Variants in CHST3 observed in about 807,000 individuals in gnomAD.
CHST3 encodes the protein carbohydrate sulfotransferase 3, also known as C6ST-1.
A neutral mutation model predicts 35.4 loss-of-function variants in CHST3; 20 were observed. That is an observed-to-expected ratio of 0.57 (90% CI 0.40 to 0.82). The LOEUF (loss-of-function observed/expected upper bound fraction) is 0.82. CHST3 is among the 40% of genes least tolerant of loss of function. The pLI is 0.00. For missense variants in CHST3, 693 were observed against 670.1 expected (o/e 1.03, Z -0.38); for synonymous variants, 334 against 295.9 (o/e 1.13, Z -1.32).
chr10:71,992,278 G>C (rs1839903687), intron 1 of CHST3, among the ~76,000 whole-genome samples: 1 of 151,988 alleles, frequency 6.6e-6, no homozygotes, highest in Non-Finnish European at 1.5e-5. Flanking sequence ...TGATCACCTT[G>C]GCAATGCCCC....
At chr10:71,994,233 C>T (rs1432491684) in intron 1 of CHST3, among the ~76,000 whole-genome samples, 3 of 151,808 alleles carry the variant, frequency 2.0e-5, no homozygotes, top group Non-Finnish European at 4.4e-5. Context: ...CTACTGCATT[C>T]CAGCCTGGGT....
intron 1 of CHST3, among the ~76,000 whole-genome samples, chr10:71,988,996 C>G (rs1839874021): frequency 6.6e-6 from 1 of 152,126 alleles, no homozygotes; most frequent in South Asian, 2.1e-4. Context: ...AACCCCATCT[C>G]TACAAAAATG....
rs4148940 is a variant in CHST3, at chr10:72,006,237, A to G, written c.140+255A>G. Among the ~76,000 whole-genome samples the G allele has an allele frequency of 0.44, 67,481 of 152,088 alleles. 15,310 individuals are homozygous for G. Among genetic ancestry groups the G allele is most frequent in the Non-Finnish European group, 0.48 (32,914 of 67,984 alleles). On this transcript the variant is annotated intron_variant, in intron 2 of 2. Coordinates refer to ENST00000373115, the MANE Select transcript of CHST3 (RefSeq NM_004273.5). ...GCCCTCTACAGCTGTGAAAGGTTAG[A>G]CAAGATACTTAACATTTCTGAGTCT...
Position 71,994,300 on chromosome 10 carries a change from G to T in CHST3, c.-107-11436G>T, listed in dbSNP as rs190261523. Among the ~76,000 whole-genome samples the T allele has an allele frequency of 1.9e-3, 288 of 151,790 alleles. 1 individual carries two copies. The highest frequency in any genetic ancestry group is 6.4e-3 in the African/African-American group (267 of 41,412). On this transcript the variant is annotated intron_variant, in intron 1 of 2. Transcript: ENST00000373115. ...AAAAAAATTAATTAATTAAAAAACA[G>T]ACTTGAAAGTCAAAATTACTCCTTG...
chr10:71,974,946 C>T (rs80205085), intron 1 of CHST3, among the ~76,000 whole-genome samples: 1 of 152,168 alleles, frequency 6.6e-6, no homozygotes, highest in African/African-American at 2.4e-5. Flanking sequence ...GAAGAGCTTC[C>T]AGAAGGGCTT....
chr10:71,988,408 T>C (rs1273146417), intron 1 of CHST3, among the ~76,000 whole-genome samples: 1 of 152,212 alleles, frequency 6.6e-6, no homozygotes, highest in Non-Finnish European at 1.5e-5. Context: ...GGGAGGTGTT[T>C]GAGTCATGGG....
Position 72,011,720 on chromosome 10 carries a change from C to T in CHST3, c.*3249C>T, listed in dbSNP as rs1840112282. ...TTTCTTGTTGATGAGTTCTGCGGCC[C>T]AGCATATAGAAATGGCTCAGAACGT... is the stretch of plus-strand genomic sequence containing the variant. On this transcript the variant is annotated 3_prime_UTR_variant, in exon 3 of 3. Transcript: ENST00000373115. 1 of 152,254 alleles carries T rather than the reference C, an allele frequency of 6.6e-6. No homozygotes were observed. The highest frequency in any genetic ancestry group is 2.1e-4 in the South Asian group (1 of 4,834). 9.4% of individuals were successfully genotyped at this position (152,254 alleles called of 1,614,324 possible). A position where few individuals can be genotyped will look rare whatever the true frequency, so the allele number is the denominator to read the frequency against.
chr10:71,970,873 A>G (rs537179784), intron 1 of CHST3, among the ~76,000 whole-genome samples: 1 of 152,296 alleles, frequency 6.6e-6, no homozygotes, highest in East Asian at 1.9e-4. Context: ...GCAAACCCTC[A>G]TAGATTCATT....
Position 72,007,999 on chromosome 10 carries a change from A to C in CHST3, c.968A>C (p.Lys323Thr), listed in dbSNP as rs1384151833. 1.9e-6 allele frequency: 3 copies of C among 1,549,548 alleles called. 1 individual carries two copies. In the South Asian group the frequency reaches 3.6e-5, roughly 18 times the overall value. Residue 323 changes from lysine (K) to threonine (T), a missense_variant, in exon 3 of 3, where the codon AAG becomes ACG. By Grantham distance (78) the Lys-to-Thr change is moderately conservative. Coordinates refer to ENST00000373115, the MANE Select transcript of CHST3 (RefSeq NM_004273.5). Reference sequence around the variant, plus strand: ...GCCGGCAAGTATAAGACCTGGAAGAAGTGGCTGGACGACGAGGGCCAGGAC... The same window carrying C: ...GCCGGCAAGTATAAGACCTGGAAGACGTGGCTGGACGACGAGGGCCAGGAC... ...AFAGKYKTWKKWLDDEGQDGL... is the reference protein window; with the variant it reads ...AFAGKYKTWKTWLDDEGQDGL...
At chr10:71,970,581 G>A (rs1839683894) in intron 1 of CHST3, among the ~76,000 whole-genome samples, 1 of 152,166 alleles carries the variant, frequency 6.6e-6, no homozygotes, top group Non-Finnish European at 1.5e-5. Context: ...CAGGGACGCT[G>A]GTGGCTGGGC....
intron 1 of CHST3, among the ~76,000 whole-genome samples, chr10:71,967,040 C>T (rs1352229273): frequency 6.6e-6 from 1 of 152,160 alleles, no homozygotes; most frequent in African/African-American, 2.4e-5. Context: ...GTCTCTATTG[C>T]TCAGGCAGGA....
chr10:72,006,640 G>A (rs1325547293), intron 2 of CHST3, among the ~76,000 whole-genome samples: 1 of 152,226 alleles, frequency 6.6e-6, no homozygotes, highest in East Asian at 1.9e-4. Flanking sequence ...GGGCCTGTTA[G>A]ATGTAGAAAG....
At chr10:71,998,294 G>A (rs765402497) in intron 1 of CHST3, among the ~76,000 whole-genome samples, 6 of 152,340 alleles carry the variant, frequency 3.9e-5, no homozygotes, top group South Asian at 2.1e-4. Context: ...TAAGATGCTC[G>A]CCATGCTTCT....
chr10:71,995,621 T>C (rs1405628837), intron 1 of CHST3, among the ~76,000 whole-genome samples: 2 of 152,106 alleles, frequency 1.3e-5, no homozygotes, highest in African/African-American at 2.4e-5. Flanking sequence ...GGCAGGGTTA[T>C]TAATTGGCCT....
intron 1 of CHST3, among the ~76,000 whole-genome samples, chr10:71,995,620 A>C (rs1421034033): frequency 6.6e-6 from 1 of 152,114 alleles, no homozygotes; most frequent in Non-Finnish European, 1.5e-5. Context: ...TGGCAGGGTT[A>C]TTAATTGGCC....
chr10:71,988,564 G>A (rs1346235169), intron 1 of CHST3, among the ~76,000 whole-genome samples: 2 of 152,104 alleles, frequency 1.3e-5, no homozygotes, highest in Non-Finnish European at 2.9e-5. Flanking sequence ...TTTGCTTTCC[G>A]CCATGATTGA....
Position 72,013,110 on chromosome 10 carries a change from C to G in CHST3, c.*4639C>G, listed in dbSNP as rs935422016. 6.6e-6 allele frequency: 1 copy of G among 152,260 alleles called. No individual in the cohort carries two copies. The highest frequency in any genetic ancestry group is 1.5e-5 in the Non-Finnish European group (1 of 68,110). The allele number at this position is 152,260 out of a possible 1,614,324, so 9.4% of individuals were successfully genotyped here. A position where few individuals can be genotyped will look rare whatever the true frequency, so the allele number is the denominator to read the frequency against. ...CTGCCATTGGCTTGAACTGGGCACCCCCTGAAGTCTCCATCTCAGCTGTAT... is the reference window on the plus strand; with the variant it reads ...CTGCCATTGGCTTGAACTGGGCACCGCCTGAAGTCTCCATCTCAGCTGTAT... On this transcript the variant is annotated 3_prime_UTR_variant, in exon 3 of 3. Transcript: ENST00000373115.
intron 1 of CHST3, among the ~76,000 whole-genome samples, chr10:71,998,221 C>T (rs1050463378): frequency 1.3e-5 from 2 of 152,252 alleles, no homozygotes; most frequent in Admixed American, 6.5e-5. Context: ...TGTGATGGTG[C>T]CCCCTGCATG....
chr10:71,988,078 G>C lies in CHST3; in HGVS notation c.-107-17658G>C, dbSNP rs532227699. Among the ~76,000 whole-genome samples, 23 of 152,260 alleles carry C rather than the reference G, an allele frequency of 1.5e-4. No individual in the cohort carries two copies. In the South Asian group the frequency reaches 4.4e-3, roughly 29 times the overall value. On this transcript the variant is annotated intron_variant, in intron 1 of 2. Coordinates refer to ENST00000373115, the MANE Select transcript of CHST3 (RefSeq NM_004273.5). ...TATGATGCACCCATTGCATGTATAC[G>C]TACATGCACACATTTCTGGTCAAAA...
Sources: gnomAD v4.1 joint callset for allele counts (sites outside exome capture counted in the v4.1 genomes callset) on GRCh38, gnomAD v4.1.1 for gene constraint, MANE v1.5 for transcripts, NCBI Gene and HGNC (gene_info 2026-07-23, HGNC 2026-07-21) for gene names.